SMCO2: variants seen among roughly 807,000 people sequenced by gnomAD.
SMCO2 encodes single-pass membrane protein with coiled-coil domains 2, also known as single-pass membrane and coiled-coil domain-containing protein 2.
Under a neutral mutation model 29.5 loss-of-function variants are expected in SMCO2, and 25 were observed. That is an observed-to-expected ratio of 0.85 (90% CI 0.62 to 1.18). SMCO2 has a LOEUF of 1.18. Ranked by LOEUF, SMCO2 falls within the 50% of genes most tolerant of loss-of-function variation. The pLI is 0.00. For synonymous variants in SMCO2, 117 were observed against 123.3 expected, an observed-to-expected ratio of 0.95 and a Z score of 0.34; for missense variants, 348 against 344.5, an observed-to-expected ratio of 1.01 and a Z score of -0.08.
At chr12:27,471,830 C>T (rs1048563494) in intron 2 of SMCO2, among the ~76,000 whole-genome samples, 8 of 152,112 alleles carry the variant, frequency 5.3e-5, no homozygotes, top group Admixed American at 1.3e-4. Context: ...CATTTTTGCT[C>T]GGAGTGAAAA....
the SMCO2 span, among the ~76,000 whole-genome samples, chr12:27,444,327 A>G: frequency 6.6e-6 from 1 of 152,168 alleles, no homozygotes; most frequent in African/African-American, 2.4e-5. Flanking sequence ...TTATCTCTCA[A>G]CATATACAAA....
the SMCO2 span, chr12:27,423,957 A>G: frequency 6.6e-6 from 1 of 152,232 alleles, no homozygotes; most frequent in Non-Finnish European, 1.5e-5. Flanking sequence ...TGTGCTATCA[A>G]TGTAAGATAC....
intron 5 of SMCO2, among the ~76,000 whole-genome samples, chr12:27,489,980 T>C (rs1054808911): frequency 6.6e-6 from 1 of 151,968 alleles, no homozygotes; most frequent in Non-Finnish European, 1.5e-5. Context: ...AGGGAGGAGT[T>C]TGGAATAATA....
intron 2 of SMCO2, among the ~76,000 whole-genome samples, chr12:27,472,391 T>C (rs1340681492): frequency 6.6e-6 from 1 of 152,166 alleles, no homozygotes; most frequent in Non-Finnish European, 1.5e-5. Flanking sequence ...GAGGGCACTG[T>C]AGACCTACTC....
At chr12:27,434,844 C>T in the SMCO2 span, among the ~76,000 whole-genome samples, 3 of 152,094 alleles carry the variant, frequency 2.0e-5, no homozygotes, top group Non-Finnish European at 4.4e-5. Context: ...GTGTCCCACA[C>T]CATGGGCAGC....
chr12:27,484,624 C>A (rs1949671783), intron 4 of SMCO2, among the ~76,000 whole-genome samples: 1 of 151,592 alleles, frequency 6.6e-6, no homozygotes, highest in African/African-American at 2.4e-5. Context: ...ATTTTCCTTG[C>A]TCTATTCCCA....
chr12:27,430,012 C>G, the SMCO2 span, among the ~76,000 whole-genome samples: 1 of 152,194 alleles, frequency 6.6e-6, no homozygotes, highest in African/African-American at 2.4e-5. Context: ...AGTCTTTGAT[C>G]TAGCTGAAGT....
the SMCO2 span, among the ~76,000 whole-genome samples, chr12:27,445,252 T>C: frequency 6.6e-6 from 1 of 152,224 alleles, no homozygotes; most frequent in Non-Finnish European, 1.5e-5. Context: ...GAACTGCATT[T>C]AAAAATGGTA....
intron 4 of SMCO2, among the ~76,000 whole-genome samples, chr12:27,482,636 A>G (rs1949655306): frequency 6.6e-6 from 1 of 152,262 alleles, no homozygotes; most frequent in South Asian, 2.1e-4. Context: ...TTTAGTTTCC[A>G]GGTATGTAGA....
intron 5 of SMCO2, 32 bp downstream of exon 6, chr12:27,488,579 T>C: frequency 6.8e-7 from 1 of 1,477,124 alleles, no homozygotes; most frequent in Non-Finnish European, 9.1e-7. Context: ...GACTGAGAGG[T>C]TGGGGATTTC....
At chr12:27,441,438 TTA>T in the SMCO2 span, among the ~76,000 whole-genome samples, 2 of 152,106 alleles carry the variant, frequency 1.3e-5, no homozygotes, top group African/African-American at 4.8e-5. Flanking sequence ...CTAACTATAC[TTA>T]TATCAGATAA....
At chr12:27,501,997 T>C (rs1262080205) in exon 8 of SMCO2, 2 of 1,548,378 alleles carry the variant, frequency 1.3e-6, no homozygotes. Flanking sequence ...ATACTATTTT[T>C]TGGTGCTACA....
intron 4 of SMCO2, among the ~76,000 whole-genome samples, chr12:27,483,907 C>T (rs752267079): frequency 6.6e-5 from 10 of 152,012 alleles, no homozygotes; most frequent in Non-Finnish European, 1.2e-4. Flanking sequence ...GCCCATGATA[C>T]GTCAGGGGTT....
At chr12:27,424,552 TGTC>T in the SMCO2 span, 16 of 152,232 alleles carry the variant, frequency 1.1e-4, no homozygotes, top group Admixed American at 8.5e-4. Context: ...ATGTCTTTGT[TGTC>T]ATAGTCTTTG....
intron 5 of SMCO2, among the ~76,000 whole-genome samples, chr12:27,491,663 A>T (rs1291596724): frequency 2.0e-5 from 3 of 151,512 alleles, no homozygotes. Flanking sequence ...CTTACATAGG[A>T]TGTGGTCATT....
At chr12:27,441,351 A>G in the SMCO2 span, among the ~76,000 whole-genome samples, 1 of 152,240 alleles carries the variant, frequency 6.6e-6, no homozygotes, top group African/African-American at 2.4e-5. Flanking sequence ...CACTTCGCCT[A>G]TAAAAATACA....
the SMCO2 span, among the ~76,000 whole-genome samples, chr12:27,453,404 A>G: frequency 6.6e-6 from 1 of 152,184 alleles, no homozygotes; most frequent in East Asian, 1.9e-4. Context: ...CTGAAAATCT[A>G]TACCTTGGAT....
chr12:27,474,926 A>G lies in SMCO2; in HGVS notation c.362+13A>G. 1 of 1,549,222 alleles carries G rather than the reference A, an allele frequency of 6.5e-7. No homozygotes were observed. On this transcript the variant is annotated intron_variant, in intron 4 of 7. Transcript: ENST00000298876. ...ACCTCCTTGAACTGTAAGTCTTGACACATGCAAGACAGAGCATTTAATAAT... is the reference window on the plus strand; with the variant it reads ...ACCTCCTTGAACTGTAAGTCTTGACGCATGCAAGACAGAGCATTTAATAAT...
the SMCO2 span, among the ~76,000 whole-genome samples, chr12:27,438,112 G>C: frequency 6.6e-6 from 1 of 152,042 alleles, no homozygotes; most frequent in Non-Finnish European, 1.5e-5. Context: ...CTGACCTCTT[G>C]GTGTTCTTTA....
Sources: allele counts gnomAD v4.1 joint callset (sites outside exome capture counted in the v4.1 genomes callset), GRCh38; gene constraint gnomAD v4.1.1; transcripts MANE v1.5; gene names NCBI Gene and HGNC (gene_info 2026-07-23, HGNC 2026-07-21).